MBTPS1: variants seen among roughly 807,000 people sequenced by gnomAD.
The protein encoded by MBTPS1 is membrane bound transcription factor peptidase, site 1.
A neutral mutation model predicts 127.8 loss-of-function variants in MBTPS1; 94 were observed. The observed-to-expected ratio is 0.74, with a 90% confidence interval of 0.62 to 0.87. MBTPS1 has a LOEUF of 0.87. Ranked by LOEUF, MBTPS1 falls within the 40% of genes least tolerant of loss-of-function variation. The pLI, the probability that MBTPS1 is intolerant of heterozygous loss-of-function variation, is 0.00. For missense variants in MBTPS1, 1,636 were observed against 1,353.2 expected (o/e 1.21, Z -3.28); for synonymous variants, 632 against 509.4 (o/e 1.24, Z -3.24).
At chr16:84,072,784 T>A (rs1169189627) in intron 12 of MBTPS1, among the ~76,000 whole-genome samples, 1 of 151,880 alleles carries the variant, frequency 6.6e-6, no homozygotes, top group African/African-American at 2.4e-5. Flanking sequence ...CGAGACTCCG[T>A]CTCAGAAAAA....
In MBTPS1 at chr16:84,095,684, C is replaced by T. The variant is rs1177835118; in HGVS notation, c.543G>A (p.Ser181=). ...GGATGGCTCTCAGCAGCCGTCTGCT[C>T]GAATGCCTTCCCGTAGCATGCCAGA... The part of the protein sequence containing the change: ...SGFWHATGRH[S]SRRLLRAIPR... Residue 181 remains serine (S), a synonymous_variant, in exon 4 of 23, where the codon TCG becomes TCA. Transcript: ENST00000343411. 10 of 1,614,098 alleles carry T rather than the reference C, an allele frequency of 6.2e-6. No homozygotes were observed. The highest frequency in any genetic ancestry group is 1.1e-5 in the South Asian group (1 of 91,090).
chr16:84,073,163 G>C (rs879315822), intron 12 of MBTPS1, among the ~76,000 whole-genome samples: 3 of 152,100 alleles, frequency 2.0e-5, no homozygotes, highest in Non-Finnish European at 2.9e-5. Context: ...GAGATGGAGT[G>C]TTGCTCTGTC....
chr16:84,079,090 A>C (rs1336200639), intron 11 of MBTPS1, among the ~76,000 whole-genome samples: 1 of 152,180 alleles, frequency 6.6e-6, no homozygotes, highest in Non-Finnish European at 1.5e-5. Flanking sequence ...CAGCTCAGGC[A>C]AGATCTGGGT....
chr16:84,109,932 G>A (rs1236893754), intron 1 of MBTPS1, among the ~76,000 whole-genome samples: 1 of 152,202 alleles, frequency 6.6e-6, no homozygotes, highest in Non-Finnish European at 1.5e-5. Flanking sequence ...GGGGGATAAT[G>A]GAGTATCAGG....
intron 2 of MBTPS1, among the ~76,000 whole-genome samples, chr16:84,100,089 C>T (rs1396476257): frequency 6.6e-6 from 1 of 152,260 alleles, no homozygotes; most frequent in African/African-American, 2.4e-5. Context: ...TCCCCACCTT[C>T]ACCAATTACA....
rs184821080 is a variant in MBTPS1, at chr16:84,063,622, T to C, written c.2432-177A>G. ...AAGAATAAGCCTTTTAGAATAGAAA[T>C]GTCTTAAGTGCCATTGATTTGTTTT... On this transcript the variant is annotated intron_variant, in intron 18 of 22. Coordinates refer to ENST00000343411, the MANE Select transcript of MBTPS1 (RefSeq NM_003791.4). Among the ~76,000 whole-genome samples, 18 of 152,358 alleles carry C rather than the reference T, an allele frequency of 1.2e-4. No homozygotes were observed. In the East Asian group the frequency reaches 3.3e-3, roughly 28 times the overall value.
At chr16:84,093,324 A>C (rs546743332) in intron 5 of MBTPS1, 27 bp from the exon 6 acceptor site, 9 of 1,445,488 alleles carry the variant, frequency 6.2e-6, no homozygotes, top group Middle Eastern at 1.8e-4. Context: ...AAACAATCCC[A>C]TAAAACACAC....
At chr16:84,107,217 G>C (rs1006429672) in intron 1 of MBTPS1, among the ~76,000 whole-genome samples, 4 of 152,220 alleles carry the variant, frequency 2.6e-5, no homozygotes, top group Admixed American at 2.6e-4. Context: ...GAGACCACTA[G>C]CTTAGTAACT....
intron 14 of MBTPS1, among the ~76,000 whole-genome samples, chr16:84,069,384 G>A (rs2085736871): frequency 6.6e-6 from 1 of 152,188 alleles, no homozygotes; most frequent in Admixed American, 6.5e-5. Flanking sequence ...GTCAGAATAG[G>A]CAGTCACTGG....
intron 15 of MBTPS1, among the ~76,000 whole-genome samples, chr16:84,068,035 G>C (rs1011564594): frequency 6.6e-6 from 1 of 152,248 alleles, no homozygotes; most frequent in African/African-American, 2.4e-5. Context: ...TTCACTTGTG[G>C]TGCTCAGGAT....
chr16:84,055,377 T>C (rs757557459), intron 22 of MBTPS1, among the ~76,000 whole-genome samples: 10 of 152,096 alleles, frequency 6.6e-5, no homozygotes, highest in Non-Finnish European at 1.5e-4. Flanking sequence ...TATAAACTCT[T>C]TGGAAGAGTA....
chr16:84,063,548 A>G (rs2085643635), intron 18 of MBTPS1, 103 bp from the exon 19 acceptor site: 12 of 1,153,286 alleles, frequency 1.0e-5, no homozygotes, highest in Non-Finnish European at 1.4e-5. Flanking sequence ...CATTTACAAA[A>G]TCTAATATTC....
intron 11 of MBTPS1, among the ~76,000 whole-genome samples, chr16:84,076,955 G>A (rs1251602666): frequency 6.6e-6 from 1 of 152,210 alleles, no homozygotes; most frequent in Non-Finnish European, 1.5e-5. Flanking sequence ...GCCGGGTGAA[G>A]TGACTCACGC....
chr16:84,079,819 A>C (rs547043013), intron 11 of MBTPS1, among the ~76,000 whole-genome samples: 1 of 152,350 alleles, frequency 6.6e-6, no homozygotes, highest in Admixed American at 6.5e-5. Context: ...CAGTACATAC[A>C]CAGATAGGCA....
In MBTPS1 at chr16:84,101,708, C is replaced by T. The variant is rs1022062768; in HGVS notation, c.76G>A (p.Glu26Lys). The stretch of plus-strand genomic sequence containing the variant: ...GGGGCCTTTTCAAAAGATTTCTTTT[C>T]CAGTCTGTCGCCCAGATGTTTCTTC... ...CGKKHLGDRL[E>K]KKSFEKAPCP... Residue 26 changes from glutamate to lysine, a missense_variant, in exon 2 of 23, where the codon GAA becomes AAA. Coordinates refer to ENST00000343411, the MANE Select transcript of MBTPS1 (RefSeq NM_003791.4). 11 of 1,613,996 alleles carry T rather than the reference C, an allele frequency of 6.8e-6. No homozygotes were observed. The highest frequency in any genetic ancestry group is 9.3e-6 in the Non-Finnish European group (11 of 1,180,000).
At chr16:84,094,756 T>C (rs1329612778) in intron 4 of MBTPS1, among the ~76,000 whole-genome samples, 2 of 152,164 alleles carry the variant, frequency 1.3e-5, no homozygotes, top group Non-Finnish European at 2.9e-5. Context: ...GTCAAGGAGT[T>C]CTCATAAAAA....
Position 84,067,767 on chromosome 16 carries a change from G to A in MBTPS1, c.2128C>T (p.Leu710Phe), listed in dbSNP as rs749829999. ...EEYFPEEIAK[L>F]RRDVDNGLSL... ...AGGCCGTTGTCCACGTCCCTCCGGA[G>A]CTTGGCGATCTCTTCAGGGAAGTAC... is the stretch of plus-strand genomic sequence containing the variant. The change falls in exon 16 of 23, where the codon CTC becomes TTC. Residue 710 changes from leucine to phenylalanine, a missense_variant. By Grantham distance (22) the Leu-to-Phe change is conservative. Coordinates refer to ENST00000343411, the MANE Select transcript of MBTPS1 (RefSeq NM_003791.4). The A allele has an allele frequency of 6.2e-7, 1 of 1,614,108 alleles. No individual in the cohort carries two copies. The highest frequency in any genetic ancestry group is 8.5e-7 in the Non-Finnish European group (1 of 1,179,930).
At chr16:84,089,069 C>T (rs1048766313) in intron 8 of MBTPS1, among the ~76,000 whole-genome samples, 5 of 152,232 alleles carry the variant, frequency 3.3e-5, no homozygotes, top group Admixed American at 6.5e-5. Flanking sequence ...CAAAACAGTC[C>T]GAACAGCATG....
chr16:84,069,967 C>T lies in MBTPS1; in HGVS notation c.1854G>A (p.Pro618=), dbSNP rs144900691. The change falls in exon 14 of 23, where the codon CCG becomes CCA. Residue 618 remains proline, a synonymous_variant. Coordinates refer to ENST00000343411, the MANE Select transcript of MBTPS1 (RefSeq NM_003791.4). ...PIKVKIIPTP[P]RSKRVLWDQY... is the part of the protein sequence containing the mutation. ...GATCCCAGAGAACTCTCTTGCTTCG[C>T]GGGGGAGTAGGAATTATCTTCACCT... 1,237 of 1,613,984 alleles carry T rather than the reference C, an allele frequency of 7.7e-4. 4 individuals carry two copies. The Middle Eastern group carries it at 0.01, about 13-fold the overall frequency.
Sources: allele counts gnomAD v4.1 joint callset (sites outside exome capture counted in the v4.1 genomes callset), GRCh38; gene constraint gnomAD v4.1.1; transcripts MANE v1.5; gene names NCBI Gene and HGNC (gene_info 2026-07-23, HGNC 2026-07-21).